The following JAM3 variants were observed in gnomAD, a reference collection of about 807,000 sequenced individuals.
The protein encoded by JAM3 is junctional adhesion molecule 3, also known as junctional adhesion molecule C.
In JAM3, 31 loss-of-function variants were observed where a neutral mutation model predicts 39.4. The ratio of observed to expected loss-of-function variants is 0.79; its 90% CI spans 0.59 to 1.06. The LOEUF is 1.06. JAM3 is among the 50% of genes least tolerant of loss of function. JAM3 has a pLI of 0.00. For synonymous variants in JAM3, 182 were observed against 148.7 expected, an observed-to-expected ratio of 1.22 and a Z score of -1.63; for missense variants, 455 against 391.4, an observed-to-expected ratio of 1.16 and a Z score of -1.37.
rs746796674 is a variant in JAM3, at chr11:134,148,864, AAAC to A, written c.897+51_897+53del. 1.2e-5 allele frequency: 19 copies of A among 1,593,158 alleles called. No homozygotes were observed. In the East Asian group the frequency reaches 3.1e-4, roughly 26 times the overall value. On this transcript the variant is annotated intron_variant, in intron 8 of 8. Coordinates refer to ENST00000299106, the MANE Select transcript of JAM3 (RefSeq NM_032801.5). ...GAAACCTAGGTGTACCCAGCAGGGA[AAAC>A]AACATTCCCCCTTGGAAACCACACG...
At chr11:134,129,625 CT>C (rs1426437515) in intron 1 of JAM3, among the ~76,000 whole-genome samples, 1 of 152,170 alleles carries the variant, frequency 6.6e-6, no homozygotes, top group Non-Finnish European at 1.5e-5. Flanking sequence ...ACTTACTTAT[CT>C]TCAGTTATTG....
chr11:134,104,964 C>G (rs1306534384), intron 1 of JAM3, among the ~76,000 whole-genome samples: 1 of 152,132 alleles, frequency 6.6e-6, no homozygotes, highest in African/African-American at 2.4e-5. Context: ...TGAAACTATT[C>G]CAATCAATAG....
intron 1 of JAM3, among the ~76,000 whole-genome samples, chr11:134,113,939 G>A (rs1472213898): frequency 6.6e-6 from 1 of 152,154 alleles, no homozygotes; most frequent in African/African-American, 2.4e-5. Context: ...TTGTCTGATG[G>A]CCAGTGATGA....
chr11:134,120,313 G>C (rs1942508412), intron 1 of JAM3, among the ~76,000 whole-genome samples: 1 of 152,208 alleles, frequency 6.6e-6, no homozygotes, highest in African/African-American at 2.4e-5. Context: ...AAGGAAAAAT[G>C]TCTTTTGAGC....
intron 1 of JAM3, chr11:134,123,845 G>T (rs546741879): frequency 3.9e-5 from 31 of 800,034 alleles, no homozygotes; most frequent in African/African-American, 2.9e-4. Context: ...AGCAGTGCCC[G>T]TTGGTATCTC....
intron 1 of JAM3, among the ~76,000 whole-genome samples, chr11:134,088,892 C>T (rs1305078282): frequency 4.6e-5 from 7 of 152,188 alleles, no homozygotes; most frequent in Non-Finnish European, 1.0e-4. Context: ...CAGGTTCAAG[C>T]GATTCTCCTG....
At chr11:134,116,876 A>G (rs1309840847) in intron 1 of JAM3, among the ~76,000 whole-genome samples, 1 of 152,202 alleles carries the variant, frequency 6.6e-6, no homozygotes, top group East Asian at 1.9e-4. Context: ...ATTCAGCACT[A>G]CAGGGTTAAT....
intron 1 of JAM3, among the ~76,000 whole-genome samples, chr11:134,094,988 G>A (rs1486443396): frequency 6.6e-6 from 1 of 152,228 alleles, no homozygotes; most frequent in South Asian, 2.1e-4. Flanking sequence ...TATGTTAAAA[G>A]ATATGCTTGG....
intron 1 of JAM3, among the ~76,000 whole-genome samples, chr11:134,083,461 A>G (rs79803309): frequency 0.041 from 6,177 of 152,270 alleles, 459 homozygotes; most frequent in African/African-American, 0.14. Context: ...GCAAATTGCA[A>G]AAAACATTCC....
At chr11:134,119,398 A>G (rs948597924) in intron 1 of JAM3, among the ~76,000 whole-genome samples, 1 of 152,254 alleles carries the variant, frequency 6.6e-6, no homozygotes, top group Admixed American at 6.5e-5. Flanking sequence ...AGCTTTTCAT[A>G]TAATGTCTAT....
intron 1 of JAM3, among the ~76,000 whole-genome samples, chr11:134,123,089 A>T (rs1305684849): frequency 2.0e-5 from 3 of 152,240 alleles, no homozygotes; most frequent in Non-Finnish European, 4.4e-5. Flanking sequence ...GCTCTTGGCT[A>T]CTTTGTCTAG....
chr11:134,099,058 T>A (rs1373622829), intron 1 of JAM3, among the ~76,000 whole-genome samples: 1 of 151,814 alleles, frequency 6.6e-6, no homozygotes, highest in East Asian at 1.9e-4. Flanking sequence ...AAATTAGCCA[T>A]GTGTGGTGGT....
intron 1 of JAM3, among the ~76,000 whole-genome samples, chr11:134,130,825 G>A (rs941531506): frequency 1.2e-4 from 18 of 152,180 alleles, no homozygotes; most frequent in Admixed American, 5.2e-4. Context: ...CTTTCTGGGG[G>A]ATACCTGAAG....
chr11:134,138,262 G>A (rs184926974), intron 1 of JAM3, among the ~76,000 whole-genome samples: 2,046 of 74,078 alleles, frequency 0.028, 244 homozygotes, highest in East Asian at 0.18. Flanking sequence ...TCGAAGTCGT[G>A]GTGCTCATAC....
intron 2 of JAM3, 34 bp downstream of exon 2, chr11:134,139,950 A>G (rs762143322): frequency 6.7e-7 from 1 of 1,501,014 alleles, no homozygotes; most frequent in East Asian, 2.3e-5. Flanking sequence ...GATAATGGGC[A>G]CCATCTACTG....
intron 1 of JAM3, among the ~76,000 whole-genome samples, chr11:134,113,270 G>A (rs548787901): frequency 2.0e-5 from 3 of 150,830 alleles, no homozygotes; most frequent in Non-Finnish European, 4.4e-5. Flanking sequence ...GTATACATGT[G>A]CTGTGTTGGT....
intron 1 of JAM3, among the ~76,000 whole-genome samples, chr11:134,131,932 A>C (rs954529213): frequency 4.6e-5 from 7 of 152,198 alleles, no homozygotes; most frequent in African/African-American, 1.7e-4. Context: ...AAGTGAACAG[A>C]GTCTAAGCGA....
At chr11:134,134,350 TAAACC>T (rs945523318) in intron 1 of JAM3, among the ~76,000 whole-genome samples, 137 of 106,112 alleles carry the variant, frequency 1.3e-3, no homozygotes, top group African/African-American at 4.6e-3. Context: ...TGCCAGACAC[TAAACC>T]ACAGATCCAT....
chr11:134,128,804 T>C (rs2120808788), intron 1 of JAM3, among the ~76,000 whole-genome samples: 1 of 152,338 alleles, frequency 6.6e-6, no homozygotes, highest in African/African-American at 2.4e-5. Flanking sequence ...TGGTAGTTCT[T>C]TATAGTGTGA....
Sources: gnomAD v4.1 joint callset for allele counts (sites outside exome capture counted in the v4.1 genomes callset) on GRCh38, gnomAD v4.1.1 for gene constraint, MANE v1.5 for transcripts, NCBI Gene and HGNC (gene_info 2026-07-23, HGNC 2026-07-21) for gene names.